Variants in GRIK1 observed in about 807,000 individuals in gnomAD.
The protein encoded by GRIK1 is glutamate ionotropic receptor kainate type subunit 1, also known as glutamate receptor ionotropic, kainate 1.
GRIK1 carries 69 observed loss-of-function variants against 105.7 expected under a neutral mutation model. That is an observed-to-expected ratio of 0.65 (90% confidence interval 0.54 to 0.80). GRIK1 has a LOEUF of 0.80. GRIK1 is among the 30% of genes least tolerant of loss of function. The pLI, the probability that GRIK1 is intolerant of heterozygous loss-of-function variation, is 0.00. For synonymous variants in GRIK1, 438 were observed against 431.3 expected (o/e 1.02, Z -0.19); for missense variants, 1,109 against 1,167.3 (o/e 0.95, Z 0.73).
intron 13 of GRIK1, among the ~76,000 whole-genome samples, chr21:29,577,993 A>G (rs923515699): frequency 6.6e-6 from 1 of 152,206 alleles, no homozygotes; most frequent in Non-Finnish European, 1.5e-5. Context: ...CTTCCTCTCT[A>G]AAAGAAAGGG....
chr21:29,811,378 T>C (rs958590011), intron 1 of GRIK1, among the ~76,000 whole-genome samples: 24 of 152,200 alleles, frequency 1.6e-4, no homozygotes, highest in African/African-American at 5.8e-4. Flanking sequence ...TGTTTCCTTT[T>C]AGGGATCACA....
chr21:29,554,436 G>C (rs1229651746), intron 16 of GRIK1, among the ~76,000 whole-genome samples: 1 of 152,040 alleles, frequency 6.6e-6, no homozygotes, highest in East Asian at 1.9e-4. Flanking sequence ...GGCAAAAATG[G>C]TCAACTACTA....
chr21:29,811,501 GA>G (rs576254821), intron 1 of GRIK1, among the ~76,000 whole-genome samples: 17 of 152,022 alleles, frequency 1.1e-4, no homozygotes, highest in South Asian at 2.1e-4. Flanking sequence ...TGGGCCCAAA[GA>G]AAAAAACTAT....
At chr21:29,624,500 T>C (rs2062077860) in intron 7 of GRIK1, among the ~76,000 whole-genome samples, 1 of 151,842 alleles carries the variant, frequency 6.6e-6, no homozygotes, top group Non-Finnish European at 1.5e-5. Context: ...ATGGAATCAA[T>C]AAAAAAAAGA....
intron 16 of GRIK1, among the ~76,000 whole-genome samples, chr21:29,553,939 C>T (rs1193454178): frequency 6.6e-6 from 1 of 152,100 alleles, no homozygotes; most frequent in African/African-American, 2.4e-5. Context: ...AAAGAAACAG[C>T]TTCTTATAAC....
At chr21:29,937,155 T>C (rs1254587695) in intron 1 of GRIK1, among the ~76,000 whole-genome samples, 1 of 152,186 alleles carries the variant, frequency 6.6e-6, no homozygotes, top group African/African-American at 2.4e-5. Context: ...TTTTTTGTAT[T>C]CAATATTGCA....
intron 1 of GRIK1, among the ~76,000 whole-genome samples, chr21:29,713,429 A>G (rs932006602): frequency 1.3e-5 from 2 of 152,090 alleles, no homozygotes; most frequent in Non-Finnish European, 2.9e-5. Context: ...TCTCTGCTCT[A>G]AGATCAGAGA....
chr21:29,629,232 G>A (rs1307371475), intron 7 of GRIK1, among the ~76,000 whole-genome samples: 1 of 149,870 alleles, frequency 6.7e-6, no homozygotes, highest in African/African-American at 2.5e-5. Context: ...GTGTGTGTGT[G>A]TGCTATTTGC....
chr21:29,711,202 A>G (rs1307665488), intron 1 of GRIK1, among the ~76,000 whole-genome samples: 2 of 152,272 alleles, frequency 1.3e-5, no homozygotes, highest in Non-Finnish European at 2.9e-5. Flanking sequence ...ATTTTGGTCA[A>G]TGATAGACTG....
chr21:29,913,584 A>C (rs2070891718), intron 1 of GRIK1, among the ~76,000 whole-genome samples: 1 of 151,664 alleles, frequency 6.6e-6, no homozygotes, highest in Non-Finnish European at 1.5e-5. Context: ...ATAGGATATG[A>C]GTATCCTTAC....
intron 1 of GRIK1, among the ~76,000 whole-genome samples, chr21:29,872,826 AC>A (rs1259456315): frequency 6.6e-6 from 1 of 152,028 alleles, no homozygotes; most frequent in African/African-American, 2.4e-5. Flanking sequence ...TCACTCAATT[AC>A]CCCCCACTGG....
chr21:29,599,708 T>C (rs2061481445), intron 7 of GRIK1, among the ~76,000 whole-genome samples: 1 of 152,078 alleles, frequency 6.6e-6, no homozygotes, highest in African/African-American at 2.4e-5. Flanking sequence ...GCATAAAAGC[T>C]CCCTCTGCAA....
At chr21:29,745,905 C>T (rs1181085693) in intron 1 of GRIK1, among the ~76,000 whole-genome samples, 3 of 152,078 alleles carry the variant, frequency 2.0e-5, no homozygotes, top group Admixed American at 2.0e-4. Context: ...AGATCGAGAC[C>T]ATCCTGGCTA....
intron 1 of GRIK1, among the ~76,000 whole-genome samples, chr21:29,710,826 TCC>T: frequency 1.6e-5 from 2 of 122,206 alleles, no homozygotes; most frequent in South Asian, 6.6e-4. Flanking sequence ...CTTCCTTCCT[TCC>T]TTCCTTCCTT....
At chr21:29,922,164 C>A (rs149095400) in intron 1 of GRIK1, among the ~76,000 whole-genome samples, 2,628 of 152,178 alleles carry the variant, frequency 0.017, 66 homozygotes, top group Non-Finnish European at 0.024. Flanking sequence ...TCAATTTCTA[C>A]ATCAATAAAA....
chr21:29,654,921 A>C, intron 4 of GRIK1, 58 bp from the exon 5 acceptor site: 1 of 1,001,434 alleles, frequency 1.0e-6, no homozygotes, highest in South Asian at 1.3e-5. Flanking sequence ...AGAATGGGAT[A>C]ATTTCTAGGG....
At chr21:29,574,683 CTTTTTT>C (rs71191118) in intron 14 of GRIK1, among the ~76,000 whole-genome samples, 1 of 98,410 alleles carries the variant, frequency 1.0e-5, no homozygotes. Context: ...TGATACACTT[CTTTTTT>C]TTTTTTTTTT....
intron 1 of GRIK1, among the ~76,000 whole-genome samples, chr21:29,865,914 A>G (rs940549593): frequency 3.9e-5 from 6 of 152,202 alleles, no homozygotes; most frequent in Non-Finnish European, 7.3e-5. Flanking sequence ...CACAGCCCTA[A>G]TGTGTCTTGG....
chr21:29,634,268 A>T (rs1471091204), intron 7 of GRIK1, among the ~76,000 whole-genome samples: 1 of 152,250 alleles, frequency 6.6e-6, no homozygotes, highest in African/African-American at 2.4e-5. Context: ...ATATATTCAA[A>T]TGTATAATCT....
Sources: gnomAD v4.1 joint callset for allele counts (sites outside exome capture counted in the v4.1 genomes callset) on GRCh38, gnomAD v4.1.1 for gene constraint, MANE v1.5 for transcripts, NCBI Gene and HGNC (gene_info 2026-07-23, HGNC 2026-07-21) for gene names.